The following CTNNA2 variants were observed in gnomAD, a reference collection of about 807,000 sequenced individuals.
CTNNA2 encodes the protein catenin alpha 2.
CTNNA2 carries 42 observed loss-of-function variants against 101.0 expected under a neutral mutation model. The observed-to-expected ratio is 0.42, with a 90% confidence interval of 0.32 to 0.54. The LOEUF is 0.54. Ranked by LOEUF, CTNNA2 falls within the 20% of genes least tolerant of loss-of-function variation. The pLI, the probability that CTNNA2 is intolerant of heterozygous loss-of-function variation, is 0.14. For synonymous variants in CTNNA2, 450 were observed against 456.4 expected, an observed-to-expected ratio of 0.99 and a Z score of 0.18; for missense variants, 871 against 1,223.1, an observed-to-expected ratio of 0.71 and a Z score of 4.29.
At chr2:79,419,866 C>T (rs1678522921) in intron 4 of CTNNA2, among the ~76,000 whole-genome samples, 1 of 152,098 alleles carries the variant, frequency 6.6e-6, no homozygotes, top group African/African-American at 2.4e-5. Context: ...TCTTATTTTT[C>T]AATTTTGAAT....
At chr2:80,273,934 C>T (rs961379994) in intron 7 of CTNNA2, among the ~76,000 whole-genome samples, 2 of 152,050 alleles carry the variant, frequency 1.3e-5, no homozygotes, top group Non-Finnish European at 2.9e-5. Context: ...TGTGGAGATG[C>T]GAGATGTGTT....
chr2:79,624,822 C>G (rs920344029), intron 1 of CTNNA2, among the ~76,000 whole-genome samples: 2 of 152,050 alleles, frequency 1.3e-5, no homozygotes, highest in Non-Finnish European at 2.9e-5. Context: ...GTACTGTGAG[C>G]AGAACTGTGT....
intron 7 of CTNNA2, among the ~76,000 whole-genome samples, chr2:79,923,751 C>A (rs1431637841): frequency 1.3e-5 from 2 of 152,078 alleles, no homozygotes; most frequent in Non-Finnish European, 2.9e-5. Flanking sequence ...TGTTTCATCC[C>A]CCTCGCTGCT....
intron 2 of CTNNA2, among the ~76,000 whole-genome samples, chr2:79,722,901 A>G (rs1686580163): frequency 6.6e-6 from 1 of 152,148 alleles, no homozygotes; most frequent in Non-Finnish European, 1.5e-5. Context: ...TTGGATTGCT[A>G]TGCTGTGTTT....
At chr2:79,258,055 C>T (rs1253837972) in intron 2 of CTNNA2, among the ~76,000 whole-genome samples, 3 of 152,118 alleles carry the variant, frequency 2.0e-5, no homozygotes, top group African/African-American at 7.2e-5. Flanking sequence ...ATGAGGTGCC[C>T]ACACTACTCC....
intron 7 of CTNNA2, among the ~76,000 whole-genome samples, chr2:80,231,315 C>T (rs1446479513): frequency 2.6e-5 from 4 of 152,114 alleles, no homozygotes; most frequent in African/African-American, 4.8e-5. Context: ...CCATTCTGAT[C>T]ATCCAGCTCA....
chr2:79,948,912 G>C (rs1180177411), intron 7 of CTNNA2, among the ~76,000 whole-genome samples: 2 of 152,106 alleles, frequency 1.3e-5, no homozygotes, highest in East Asian at 3.9e-4. Context: ...AGCTTGCAGT[G>C]AACTGAGATT....
At chr2:80,585,159 G>A (rs145629930) in intron 14 of CTNNA2, among the ~76,000 whole-genome samples, 4 of 152,248 alleles carry the variant, frequency 2.6e-5, no homozygotes, top group East Asian at 1.9e-4. Context: ...ACCCATAGAC[G>A]TTAAAAATCA....
intron 7 of CTNNA2, among the ~76,000 whole-genome samples, chr2:80,250,143 G>A (rs76223426): frequency 0.053 from 8,040 of 151,228 alleles, 427 homozygotes; most frequent in South Asian, 0.29. Context: ...TTTCTGACAC[G>A]ATACACACAC....
chr2:79,627,849 T>C (rs915143662), intron 1 of CTNNA2, among the ~76,000 whole-genome samples: 1 of 152,228 alleles, frequency 6.6e-6, no homozygotes, highest in African/African-American at 2.4e-5. Context: ...TTTTGATATT[T>C]GATGCCTTAA....
intron 2 of CTNNA2, chr2:79,697,972 C>T (rs1480602951): frequency 2.6e-5 from 4 of 151,964 alleles, no homozygotes. Flanking sequence ...CAAAACCATT[C>T]AACATTAACT....
chr2:80,629,713 C>T (rs962549828), intron 18 of CTNNA2, among the ~76,000 whole-genome samples: 1 of 152,058 alleles, frequency 6.6e-6, no homozygotes, highest in Non-Finnish European at 1.5e-5. Context: ...TGTAGTTATC[C>T]ACTGTAGGAT....
intron 7 of CTNNA2, among the ~76,000 whole-genome samples, chr2:80,064,508 T>A (rs1399532687): frequency 6.6e-6 from 1 of 152,224 alleles, no homozygotes; most frequent in Non-Finnish European, 1.5e-5. Context: ...TTCAGCTGAA[T>A]GGTCCTTTCA....
intron 1 of CTNNA2, among the ~76,000 whole-genome samples, chr2:79,580,228 T>C (rs1201033754): frequency 1.3e-5 from 2 of 152,114 alleles, no homozygotes; most frequent in Non-Finnish European, 2.9e-5. Flanking sequence ...TAATCATGAA[T>C]CCTGACAAGC....
intron 4 of CTNNA2, among the ~76,000 whole-genome samples, chr2:79,410,894 C>T (rs916538094): frequency 6.6e-6 from 1 of 151,978 alleles, no homozygotes; most frequent in Non-Finnish European, 1.5e-5. Flanking sequence ...CTTCCTTGTA[C>T]CTCTGGTAGA....
chr2:79,286,251 T>G (rs535526801), intron 2 of CTNNA2, among the ~76,000 whole-genome samples: 17 of 152,340 alleles, frequency 1.1e-4, no homozygotes, highest in African/African-American at 4.1e-4. Flanking sequence ...TTAGTCCATT[T>G]ACATTTAAAG....
chr2:80,633,304 G>A (rs922073188), intron 18 of CTNNA2, among the ~76,000 whole-genome samples: 1 of 152,154 alleles, frequency 6.6e-6, no homozygotes, highest in Middle Eastern at 3.2e-3. Flanking sequence ...ATTTAATCAA[G>A]TTTTCTGTGA....
At chr2:79,338,588 T>TCTTCTTCTTCTC (rs1558633967) in intron 3 of CTNNA2, among the ~76,000 whole-genome samples, 1 of 132,934 alleles carries the variant, frequency 7.5e-6, no homozygotes, top group East Asian at 2.1e-4. Context: ...ATCTTCTTCT[T>TCTTCTTCTTCTC]CTTCTTCTTC....
chr2:79,740,832 T>TTG (rs1464281597), intron 2 of CTNNA2, among the ~76,000 whole-genome samples: 1 of 150,278 alleles, frequency 6.7e-6, no homozygotes, highest in Non-Finnish European at 1.5e-5. Flanking sequence ...TTGAAGAAGT[T>TTG]TTTTTTTTTA....
Sources: allele counts gnomAD v4.1 joint callset (sites outside exome capture counted in the v4.1 genomes callset), GRCh38; gene constraint gnomAD v4.1.1; transcripts MANE v1.5; gene names NCBI Gene and HGNC (gene_info 2026-07-23, HGNC 2026-07-21).